The following TRPM5 variants were observed in gnomAD, a reference collection of about 807,000 sequenced individuals.
TRPM5 encodes the protein transient receptor potential cation channel subfamily M member 5.
In TRPM5, 121 loss-of-function variants were observed where a neutral mutation model predicts 124.9. The observed-to-expected ratio is 0.97, with a 90% CI of 0.84 to 1.13. The LOEUF is 1.13. TRPM5 is among the 50% of genes most tolerant of loss of function. TRPM5 has a pLI of 0.00. For missense variants in TRPM5, 1,643 were observed against 1,589.1 expected (o/e 1.03, Z -0.58); for synonymous variants, 781 against 700.5 (o/e 1.11, Z -1.81).
the TRPM5 span, among the ~76,000 whole-genome samples, chr11:2,433,226 G>T: frequency 3.3e-5 from 5 of 152,244 alleles, no homozygotes; most frequent in Admixed American, 2.0e-4. Flanking sequence ...TAGCAATGCC[G>T]CCATGAGGCA....
At chr11:2,420,546 C>T in intron 3 of TRPM5, 141 bp from the exon 9 acceptor site, 2 of 854,386 alleles carry the variant, frequency 2.3e-6, no homozygotes, top group Non-Finnish European at 3.5e-6. Flanking sequence ...GGTTTCCCCA[C>T]CCTTCAGACA....
At chr11:2,409,744 G>A (rs375621676) in intron 18 of TRPM5, among the ~76,000 whole-genome samples, 1 of 152,206 alleles carries the variant, frequency 6.6e-6, no homozygotes, top group East Asian at 1.9e-4. Flanking sequence ...TGCAGCTCAG[G>A]GAGGGGAAGT....
chr11:2,404,943 G>A lies in TRPM5; in HGVS notation c.3492C>T (p.Asp1164=), dbSNP rs117079101. ...ACGTGGCAGGCCAAGCAGCTCAGGT[G>A]TCCGAGGGAGGCTGGCCAGCCCCGG... The change falls in exon 24 of 24, where the codon GAC becomes GAT. Residue 1164 remains aspartate, a synonymous_variant. Transcript: ENST00000155858. The A allele has an allele frequency of 1.3e-3, 2,077 of 1,611,832 alleles. 64 individuals carry two copies. The East Asian group carries it at 0.044, about 34-fold the overall frequency.
At chr11:2,428,788 G>A in the TRPM5 span, among the ~76,000 whole-genome samples, 24 of 151,606 alleles carry the variant, frequency 1.6e-4, no homozygotes, top group Admixed American at 6.6e-4. This position sits in a 1 kb window ranked among gnomAD's most constrained non-coding sequence, Gnocchi z 4.0. Context: ...GGTGGGTGAC[G>A]AAGGTGGTGG....
the TRPM5 span, among the ~76,000 whole-genome samples, chr11:2,444,331 C>T: frequency 6.6e-6 from 1 of 151,848 alleles, no homozygotes; most frequent in Non-Finnish European, 1.5e-5. Flanking sequence ...ACCCCAACTC[C>T]GGAGTGGCTC....
Position 2,414,770 on chromosome 11 carries a change from C to T in TRPM5, c.1689G>A (p.Thr563=), listed in dbSNP as rs367771022. The change falls in exon 11 of 24, where the codon ACG becomes ACA. Residue 563 remains threonine (T), a synonymous_variant. Coordinates refer to ENST00000155858, the Ensembl canonical transcript of TRPM5. Reference sequence around the variant, plus strand: ...GCGTGGCTCGGGCCGCCTCGGCCTCCGTCTCCAGGTGCGACATCTCTTTGA... The same window carrying T: ...GCGTGGCTCGGGCCGCCTCGGCCTCTGTCTCCAGGTGCGACATCTCTTTGA... The T allele has an allele frequency of 7.8e-5, 122 of 1,555,906 alleles. No individual in the cohort carries two copies. In the African/African-American group the frequency reaches 1.4e-3, roughly 18 times the overall value.
chr11:2,418,508 G>C lies in TRPM5; in HGVS notation c.714+19C>G. On this transcript the variant is annotated intron_variant, in intron 5 of 23. Transcript: ENST00000155858. ...CCACAAGGCTTCGGCCAGCCAGGGGGCCTCAGCCAGGCCCCTACCTCCAAG... is the reference window on the plus strand; with the variant it reads ...CCACAAGGCTTCGGCCAGCCAGGGGCCCTCAGCCAGGCCCCTACCTCCAAG... 3 of 1,606,312 alleles carry C rather than the reference G, an allele frequency of 1.9e-6. No individual in the cohort carries two copies. The highest frequency in any genetic ancestry group is 2.5e-6 in the Non-Finnish European group (3 of 1,177,162).
exon 2 of TRPM5, chr11:2,422,292 C>T (rs536254827): frequency 3.3e-5 from 53 of 1,611,784 alleles, no homozygotes; most frequent in East Asian, 2.2e-4. Flanking sequence ...AGAGCACAGA[C>T]GGGGCCACTC....
upstream of TRPM5, among the ~76,000 whole-genome samples, chr11:2,424,953 G>A (rs1589877776): frequency 6.6e-6 from 1 of 152,192 alleles, no homozygotes. Context: ...TCAGCACCAC[G>A]TGGGCCTCAG....
intron 22 of TRPM5, 128 bp downstream of exon 27, chr11:2,405,891 G>T (rs1292156539): frequency 2.1e-5 from 18 of 869,188 alleles, no homozygotes; most frequent in African/African-American, 3.3e-5. Flanking sequence ...TGCCCACTGG[G>T]GTGCTCCTGT....
chr11:2,439,583 C>T, the TRPM5 span, among the ~76,000 whole-genome samples: 2 of 152,226 alleles, frequency 1.3e-5, no homozygotes, highest in Non-Finnish European at 2.9e-5. Context: ...GAAAGCTCAA[C>T]ATCACTAATC....
chr11:2,443,213 C>T, the TRPM5 span, among the ~76,000 whole-genome samples: 420 of 152,302 alleles, frequency 2.8e-3, no homozygotes, highest in Non-Finnish European at 4.0e-3. The surrounding 1 kb of genome is among the most constrained non-coding windows in gnomAD (Gnocchi z 5.0). Flanking sequence ...TTCTCGTGTG[C>T]GGTGAGATGG....
chr11:2,421,204 G>T lies in TRPM5; in HGVS notation c.299-6C>A. ...ACTGGTCAGGATCCAGGCTCCTGTG[G>T]GGATGGAAGAGGGCCTCGTTGTGCC... is the stretch of plus-strand genomic sequence containing the variant. On this transcript the variant is annotated splice_region_variant and splice_polypyrimidine_tract_variant and intron_variant, in intron 2 of 23. Transcript: ENST00000155858. The T allele has an allele frequency of 6.5e-7, 1 of 1,534,966 alleles. No individual in the cohort carries two copies.
At position 2,414,700 on chromosome 11, in the gene TRPM5, C is replaced by CTG. The variant is rs1850528692; in HGVS notation, c.1744+14_1744+15insCA. On this transcript the variant is annotated intron_variant, in intron 11 of 23. Coordinates refer to ENST00000155858, the Ensembl canonical transcript of TRPM5. ...CCCCCGCGCGCGGGCCCGGCCCCAG[C>CTG]CGCCGGTCACTCACCAAGGGCCAGC... 6.5e-7 allele frequency: 1 copy of CTG among 1,527,328 alleles called. No individual in the cohort carries two copies. Among genetic ancestry groups the CTG allele is most frequent in the Non-Finnish European group, 8.8e-7 (1 of 1,137,572 alleles). The allele number at this position is 1,527,328 out of a possible 1,614,324, so 94.6% of individuals were successfully genotyped here.
At chr11:2,422,387 G>T (rs1845785611) in intron 1 of TRPM5, 66 bp from the exon 7 acceptor site, 1 of 1,446,444 alleles carries the variant, frequency 6.9e-7, no homozygotes, top group Non-Finnish European at 9.5e-7. Context: ...GGGCATTGGG[G>T]GGGGCTGGAC....
At chr11:2,415,423 G>T in exon 9 of TRPM5, 1 of 1,592,844 alleles carries the variant, frequency 6.3e-7, no homozygotes, top group Non-Finnish European at 8.5e-7. Context: ...ACAAACTCGG[G>T]CTTGTTGCTG....
rs143436570 is a variant in TRPM5 at position 2,405,509 on chromosome 11, C to T, written c.3391+18G>A. 1,079 of 1,553,170 alleles carry T rather than the reference C, an allele frequency of 6.9e-4. 11 individuals are homozygous for T. The African/African-American group carries it at 0.013, about 18-fold the overall frequency. ...TGCCCATGCCCACCCTCATCCCACG[C>T]TCCCCAAACAGGCTTACTCCGGGGG... On this transcript the variant is annotated intron_variant, in intron 23 of 23. Transcript: ENST00000155858.
At chr11:2,428,409 G>C in the TRPM5 span, among the ~76,000 whole-genome samples, 1 of 152,222 alleles carries the variant, frequency 6.6e-6, no homozygotes, top group Non-Finnish European at 1.5e-5. This position sits in a 1 kb window ranked among gnomAD's most constrained non-coding sequence, Gnocchi z 4.0. Context: ...ACCATGGGCA[G>C]AGTCTGAGGC....
the TRPM5 span, among the ~76,000 whole-genome samples, chr11:2,430,237 G>A: frequency 0.14 from 21,352 of 151,554 alleles, 1,632 homozygotes; most frequent in Admixed American, 0.18. Flanking sequence ...GCTCCCTCTT[G>A]CCACTCAGAT....
Sources: allele counts gnomAD v4.1 joint callset (sites outside exome capture counted in the v4.1 genomes callset), GRCh38; gene constraint gnomAD v4.1.1; non-coding constraint Gnocchi (gnomAD v3.1); transcripts MANE v1.5; gene names NCBI Gene and HGNC (gene_info 2026-07-23, HGNC 2026-07-21).